Variants in SLIT3 observed in about 807,000 individuals in gnomAD.
SLIT3 encodes the protein slit homolog 3 protein.
Under a neutral mutation model 184.0 loss-of-function variants are expected in SLIT3, and 68 were observed. That is an observed-to-expected ratio of 0.37 (90% confidence interval 0.30 to 0.45). SLIT3 has a LOEUF of 0.45. Among genes scored for constraint, SLIT3 ranks in the 20% least tolerant of loss-of-function variants. SLIT3 has a pLI of 1.00. For missense variants in SLIT3, 1,707 were observed against 2,026.0 expected (o/e 0.84, Z 3.02); for synonymous variants, 831 against 828.6 (o/e 1.00, Z -0.05).
At chr5:169,054,393 T>A (rs1757918728) in intron 4 of SLIT3, among the ~76,000 whole-genome samples, 1 of 152,132 alleles carries the variant, frequency 6.6e-6, no homozygotes, top group Admixed American at 6.5e-5. Context: ...GATTTTGGAC[T>A]TCTATCCTGC....
intron 4 of SLIT3, among the ~76,000 whole-genome samples, chr5:169,042,091 A>G (rs902288121): frequency 6.6e-6 from 1 of 152,222 alleles, no homozygotes; most frequent in Non-Finnish European, 1.5e-5. Context: ...AGGCAAGGAA[A>G]ATGGAAGATG....
chr5:169,210,939 G>A (rs1764245863), intron 3 of SLIT3, among the ~76,000 whole-genome samples: 1 of 152,156 alleles, frequency 6.6e-6, no homozygotes, highest in Non-Finnish European at 1.5e-5. Context: ...AACTTGATTT[G>A]GTTAACAGAA....
intron 9 of SLIT3, among the ~76,000 whole-genome samples, chr5:168,805,787 T>G (rs1453546116): frequency 2.0e-5 from 3 of 152,206 alleles, no homozygotes; most frequent in Non-Finnish European, 4.4e-5. Context: ...AGCTAAGAAA[T>G]GAGTGAATCA....
chr5:169,272,742 GAA>G (rs1766671620), intron 1 of SLIT3, among the ~76,000 whole-genome samples: 1 of 152,198 alleles, frequency 6.6e-6, no homozygotes, highest in South Asian at 2.1e-4. Flanking sequence ...AGCTCCCAGG[GAA>G]AAAGAGATGG....
At chr5:168,857,400 T>TTTG (rs1345129144) in intron 5 of SLIT3, among the ~76,000 whole-genome samples, 7 of 152,094 alleles carry the variant, frequency 4.6e-5, no homozygotes, top group African/African-American at 1.4e-4. Context: ...TTTGTTTTGT[T>TTTG]TTGTTTTAAG....
At chr5:169,242,042 A>G (rs1392502344) in intron 3 of SLIT3, among the ~76,000 whole-genome samples, 1 of 152,254 alleles carries the variant, frequency 6.6e-6, no homozygotes, top group South Asian at 2.1e-4. Context: ...ACAAAGACAC[A>G]GATAAGGTGA....
intron 4 of SLIT3, among the ~76,000 whole-genome samples, chr5:169,105,767 TCCTGCAAAGGAC>T (rs750328618): frequency 1.3e-5 from 2 of 152,194 alleles, no homozygotes; most frequent in Non-Finnish European, 2.9e-5. Context: ...CCATCCATGT[TCCTGCAAAGGAC>T]ATCATCTTAT....
chr5:169,187,559 C>CTTTTTTTTT (rs869169684), intron 4 of SLIT3, among the ~76,000 whole-genome samples: 1 of 55,774 alleles, frequency 1.8e-5, no homozygotes, highest in African/African-American at 8.6e-5. Flanking sequence ...TTCTTTCTTT[C>CTTTTTTTTT]TTTTTTTTTT....
intron 3 of SLIT3, among the ~76,000 whole-genome samples, chr5:169,198,758 C>G (rs538460141): frequency 2.5e-4 from 38 of 152,002 alleles, no homozygotes; most frequent in East Asian, 9.7e-4. Context: ...ATGGTGAAAC[C>G]CCGTCTCTAC....
intron 12 of SLIT3, among the ~76,000 whole-genome samples, chr5:168,784,842 CTGTGACTTGGA>C (rs1029466083): frequency 3.3e-5 from 5 of 152,032 alleles, no homozygotes; most frequent in African/African-American, 1.2e-4. Context: ...TCCTCACTGC[CTGTGACTTGGA>C]GGTGATTTTA....
At chr5:169,142,206 GTTAACT>G in intron 4 of SLIT3, among the ~76,000 whole-genome samples, 1 of 152,250 alleles carries the variant, frequency 6.6e-6, no homozygotes, top group East Asian at 1.9e-4. Context: ...AACTTAACCA[GTTAACT>G]TTATTTATAC....
At chr5:169,118,633 T>C (rs1329150456) in intron 4 of SLIT3, among the ~76,000 whole-genome samples, 1 of 152,238 alleles carries the variant, frequency 6.6e-6, no homozygotes, top group Non-Finnish European at 1.5e-5. Flanking sequence ...ATTTGTAGGA[T>C]ACATAGGTCT....
chr5:168,994,120 A>C (rs563303598), intron 4 of SLIT3: 9 of 152,294 alleles, frequency 5.9e-5, no homozygotes, highest in African/African-American at 1.9e-4. Context: ...CTGTCTGCAG[A>C]CACCCTTGTC....
chr5:169,153,252 C>T (rs1762185321), intron 4 of SLIT3, among the ~76,000 whole-genome samples: 1 of 151,334 alleles, frequency 6.6e-6, no homozygotes, highest in South Asian at 2.1e-4. Context: ...CACCCCCACC[C>T]GCTACTTTGA....
At chr5:168,734,021 C>T (rs1763362354) in intron 20 of SLIT3, among the ~76,000 whole-genome samples, 1 of 152,090 alleles carries the variant, frequency 6.6e-6, no homozygotes, top group Admixed American at 6.5e-5. Flanking sequence ...ATAATGGACA[C>T]TGGAGACTAC....
At chr5:168,775,107 G>A (rs1293158252) in intron 12 of SLIT3, among the ~76,000 whole-genome samples, 4 of 149,626 alleles carry the variant, frequency 2.7e-5, no homozygotes, top group Non-Finnish European at 1.5e-5. Flanking sequence ...GCGTGATCTC[G>A]GCTCACTGCA....
chr5:169,135,294 T>C (rs910250159), intron 4 of SLIT3, among the ~76,000 whole-genome samples: 18 of 152,128 alleles, frequency 1.2e-4, no homozygotes, highest in Admixed American at 8.5e-4. Flanking sequence ...GTATCTTTAG[T>C]AGAGATGGGG....
At chr5:168,778,570 T>C (rs1224739586) in intron 12 of SLIT3, among the ~76,000 whole-genome samples, 1 of 152,238 alleles carries the variant, frequency 6.6e-6, no homozygotes, top group African/African-American at 2.4e-5. Context: ...CAAGCCTTCG[T>C]TGGCACGAGG....
intron 5 of SLIT3, among the ~76,000 whole-genome samples, chr5:168,868,393 C>G (rs1759384545): frequency 6.6e-6 from 1 of 152,262 alleles, no homozygotes; most frequent in Middle Eastern, 3.4e-3. Flanking sequence ...TGGGTTCAAG[C>G]AATTCTCCCA....
Sources: gnomAD v4.1 joint callset for allele counts (sites outside exome capture counted in the v4.1 genomes callset) on GRCh38, gnomAD v4.1.1 for gene constraint, MANE v1.5 for transcripts, NCBI Gene and HGNC (gene_info 2026-07-23, HGNC 2026-07-21) for gene names.